DCAF8L2: variants seen among roughly 807,000 people sequenced by gnomAD.
The protein encoded by DCAF8L2 is DDB1- and CUL4-associated factor 8-like protein 2.
For synonymous variants in DCAF8L2, 200 were observed against 190.9 expected (o/e 1.05, Z -0.39); for missense variants, 430 against 490.7 (o/e 0.88, Z 1.17).
chrX:27,649,962 T>G (rs919731012), intron 2 of DCAF8L2, among the ~76,000 whole-genome samples: 2 of 111,936 alleles, frequency 1.8e-5, no homozygotes, highest in Non-Finnish European at 3.8e-5. Flanking sequence ...TTAATCCATC[T>G]TGAGTTAATT....
Position 27,720,080 on chromosome X carries a change from A to G in DCAF8L2, c.-59+3909A>G, listed in dbSNP as rs186290406. On this transcript the variant is annotated intron_variant, in intron 4 of 4. Transcript: ENST00000451261. Reference sequence around the variant, plus strand: ...TAAATTTTATATATGATTTTGAGTCAAGGGTTTTTTTTTAACCATACAGAT... The same window carrying G: ...TAAATTTTATATATGATTTTGAGTCGAGGGTTTTTTTTTAACCATACAGAT... Among the ~76,000 whole-genome samples, 858 of 106,001 alleles carry G rather than the reference A, an allele frequency of 8.1e-3. 11 individuals are homozygous for G. Among genetic ancestry groups the G allele is most frequent in the African/African-American group, 0.031 (819 of 26,560 alleles). 92.0% of individuals were successfully genotyped at this position (106,001 alleles called of 115,157 possible).
the DCAF8L2 span, among the ~76,000 whole-genome samples, chrX:27,509,593 A>G: frequency 8.9e-6 from 1 of 112,248 alleles, no homozygotes; most frequent in Non-Finnish European, 1.9e-5. Flanking sequence ...TCAACTTTGC[A>G]TTTATGCCAT....
chrX:27,727,152 G>A (rs975062085), intron 4 of DCAF8L2, among the ~76,000 whole-genome samples: 32 of 111,833 alleles, frequency 2.9e-4, no homozygotes, highest in African/African-American at 1.0e-3. Flanking sequence ...AACAGGTTGA[G>A]CATCTTTCCA....
At chrX:27,689,479 A>C (rs771618485) in intron 3 of DCAF8L2, among the ~76,000 whole-genome samples, 1 of 112,663 alleles carries the variant, frequency 8.9e-6, no homozygotes, top group African/African-American at 3.2e-5. Context: ...TCCTGACCTC[A>C]GGTGATCCAC....
At chrX:27,688,167 A>T (rs1417428291) in intron 3 of DCAF8L2, among the ~76,000 whole-genome samples, 1 of 112,034 alleles carries the variant, frequency 8.9e-6, no homozygotes, top group African/African-American at 3.2e-5. Context: ...AAAACTGGTT[A>T]ATTATCTAAT....
intron 2 of DCAF8L2, among the ~76,000 whole-genome samples, chrX:27,673,043 C>T (rs1930005267): frequency 9.0e-6 from 1 of 110,880 alleles, no homozygotes; most frequent in African/African-American, 3.3e-5. Context: ...TCATCCCAAC[C>T]CCACCACACA....
At chrX:27,697,210 G>A (rs560066423) in intron 3 of DCAF8L2, among the ~76,000 whole-genome samples, 39 of 111,374 alleles carry the variant, frequency 3.5e-4, no homozygotes, top group South Asian at 1.8e-3. Context: ...CTTTATAGAG[G>A]TGATAAAAAT....
At chrX:27,591,590 A>G (rs6630520) in intron 1 of DCAF8L2, among the ~76,000 whole-genome samples, 17,931 of 110,824 alleles carry the variant, frequency 0.16, 1,154 homozygotes, top group East Asian at 0.36. Flanking sequence ...TCTTTCTTTC[A>G]TGGTATCTTA....
At chrX:27,537,780 C>T in the DCAF8L2 span, among the ~76,000 whole-genome samples, 20 of 111,737 alleles carry the variant, frequency 1.8e-4, no homozygotes, top group African/African-American at 5.5e-4. Flanking sequence ...ATATGTAAGG[C>T]AGAGATTGGT....
chrX:27,580,163 T>A, the DCAF8L2 span, among the ~76,000 whole-genome samples: 1 of 110,393 alleles, frequency 9.1e-6, no homozygotes, highest in Admixed American at 9.8e-5. Flanking sequence ...AGGACTCAAG[T>A]GAGGTGTATT....
intron 2 of DCAF8L2, among the ~76,000 whole-genome samples, chrX:27,660,594 G>A (rs1929523622): frequency 8.9e-6 from 1 of 111,959 alleles, no homozygotes; most frequent in African/African-American, 3.3e-5. Context: ...TTTTTCTGGG[G>A]ATGGGCATGT....
the DCAF8L2 span, among the ~76,000 whole-genome samples, chrX:27,534,686 C>T: frequency 2.7e-4 from 30 of 112,106 alleles, no homozygotes; most frequent in African/African-American, 9.4e-4. Flanking sequence ...CTTCTTCAGG[C>T]GATTTCGAAG....
At chrX:27,727,257 A>G (rs993452167) in intron 4 of DCAF8L2, among the ~76,000 whole-genome samples, 4 of 111,483 alleles carry the variant, frequency 3.6e-5, no homozygotes, top group Non-Finnish European at 7.6e-5. Flanking sequence ...TCATTAATCT[A>G]TATGTCTCAT....
the DCAF8L2 span, among the ~76,000 whole-genome samples, chrX:27,569,959 A>T: frequency 8.9e-6 from 1 of 112,127 alleles, no homozygotes; most frequent in Non-Finnish European, 1.9e-5. Flanking sequence ...AGGTTGAATC[A>T]TATAAAAATT....
chrX:27,489,147 G>A, the DCAF8L2 span, among the ~76,000 whole-genome samples: 1 of 111,962 alleles, frequency 8.9e-6, no homozygotes, highest in Admixed American at 9.5e-5. Flanking sequence ...GCCCAGGCTG[G>A]AGTGCAGTGG....
chrX:27,602,568 T>C (rs1463866029), intron 1 of DCAF8L2, among the ~76,000 whole-genome samples: 1 of 111,764 alleles, frequency 8.9e-6, no homozygotes, highest in Non-Finnish European at 1.9e-5. Flanking sequence ...ACAAGACATG[T>C]TTTATTGTCC....
intron 2 of DCAF8L2, among the ~76,000 whole-genome samples, chrX:27,675,236 G>A (rs1020296267): frequency 3.6e-5 from 4 of 111,357 alleles, no homozygotes; most frequent in Non-Finnish European, 5.6e-5. Flanking sequence ...TCTCTTGGTT[G>A]AGGAAGATAA....
At chrX:27,531,974 T>G in the DCAF8L2 span, among the ~76,000 whole-genome samples, 5 of 111,658 alleles carry the variant, frequency 4.5e-5, no homozygotes, top group East Asian at 1.4e-3. Flanking sequence ...TGAGATGTTA[T>G]ATTGCTAACC....
chrX:27,590,301 T>A (rs1926009625), upstream of DCAF8L2: 1 of 111,412 alleles, frequency 9.0e-6, no homozygotes, highest in African/African-American at 3.3e-5. Flanking sequence ...TGGGAAAGAC[T>A]CACGTAAACT....
Sources: allele counts gnomAD v4.1 joint callset (sites outside exome capture counted in the v4.1 genomes callset), GRCh38; gene constraint gnomAD v4.1.1; transcripts MANE v1.5; gene names NCBI Gene and HGNC (gene_info 2026-07-23, HGNC 2026-07-21).